CTNNA2: variants seen among roughly 807,000 people sequenced by gnomAD.
CTNNA2 encodes catenin alpha-2.
In CTNNA2, 42 loss-of-function variants were observed where a neutral mutation model predicts 101.0. The observed-to-expected ratio is 0.42, with a 90% CI of 0.32 to 0.54. The LOEUF (loss-of-function observed/expected upper bound fraction) is 0.54. Among genes scored for constraint, CTNNA2 ranks in the 20% least tolerant of loss-of-function variants. The pLI, the probability that CTNNA2 is intolerant of heterozygous loss-of-function variation, is 0.14. For synonymous variants in CTNNA2, 450 were observed against 456.4 expected (o/e 0.99, Z 0.18); for missense variants, 871 against 1,223.1 (o/e 0.71, Z 4.29).
At chr2:79,198,697 A>G (rs1673993844) in intron 2 of CTNNA2, among the ~76,000 whole-genome samples, 1 of 139,828 alleles carries the variant, frequency 7.2e-6, no homozygotes, top group South Asian at 2.2e-4. Context: ...CAATTTATCA[A>G]ATATTACTTG....
At chr2:79,721,756 G>T (rs912914178) in intron 2 of CTNNA2, among the ~76,000 whole-genome samples, 3 of 152,082 alleles carry the variant, frequency 2.0e-5, no homozygotes, top group African/African-American at 7.2e-5. Flanking sequence ...GTTCGAATTT[G>T]GTTCTCAAAT....
chr2:79,629,035 T>G (rs970213289), intron 1 of CTNNA2, among the ~76,000 whole-genome samples: 1 of 152,204 alleles, frequency 6.6e-6, no homozygotes, highest in Non-Finnish European at 1.5e-5. Context: ...GAATAAAATC[T>G]ATGTCTTTCC....
At chr2:80,311,568 T>G (rs1677590975) in intron 7 of CTNNA2, among the ~76,000 whole-genome samples, 1 of 152,248 alleles carries the variant, frequency 6.6e-6, no homozygotes, top group Non-Finnish European at 1.5e-5. Flanking sequence ...GGAGTTTACG[T>G]GGACTTAATT....
intron 3 of CTNNA2, among the ~76,000 whole-genome samples, chr2:79,826,741 G>T (rs1444741372): frequency 6.6e-6 from 1 of 152,188 alleles, no homozygotes; most frequent in African/African-American, 2.4e-5. Context: ...GGCTCTGTGT[G>T]TAGGCTTCTT....
chr2:80,558,573 A>G (rs989751486), intron 12 of CTNNA2, among the ~76,000 whole-genome samples: 14 of 152,142 alleles, frequency 9.2e-5, no homozygotes, highest in Admixed American at 3.3e-4. Context: ...TCCTCAAAAT[A>G]GAAACCCTGT....
In CTNNA2 at chr2:79,651,665, G is replaced by A; in HGVS notation, c.102+7G>A. ...GGAGCCACTTGTTACACAGGTAAGG[G>A]ATGCTTTGAAACCACTTTGTTATAT... On this transcript the variant is annotated splice_region_variant and intron_variant, in intron 2 of 18. Transcript: ENST00000402739. 1 of 1,612,360 alleles carries A rather than the reference G, an allele frequency of 6.2e-7. No individual in the cohort carries two copies. The highest frequency in any genetic ancestry group is 8.5e-7 in the Non-Finnish European group (1 of 1,178,658).
chr2:79,734,481 A>T (rs991193465), intron 2 of CTNNA2, among the ~76,000 whole-genome samples: 2 of 152,156 alleles, frequency 1.3e-5, no homozygotes, highest in African/African-American at 4.8e-5. Flanking sequence ...TGTAAGACTC[A>T]TTCTTATTTT....
chr2:79,726,528 A>T (rs1463549760), intron 2 of CTNNA2, among the ~76,000 whole-genome samples: 1 of 152,142 alleles, frequency 6.6e-6, no homozygotes, highest in African/African-American at 2.4e-5. Context: ...GCTCCTTATA[A>T]TAACAAATGC....
At chr2:79,493,193 AAG>A (rs1037250329) in intron 4 of CTNNA2, among the ~76,000 whole-genome samples, 1 of 152,090 alleles carries the variant, frequency 6.6e-6, no homozygotes, top group Non-Finnish European at 1.5e-5. Flanking sequence ...AGGCAAAAGT[AAG>A]AAAGTAAGTA....
chr2:80,162,950 A>G, intron 7 of CTNNA2: 1 of 1,539,918 alleles, frequency 6.5e-7, no homozygotes, highest in South Asian at 1.1e-5. Flanking sequence ...GATATTGGGG[A>G]TATGGCAAAC....
intron 7 of CTNNA2, among the ~76,000 whole-genome samples, chr2:79,927,119 A>G (rs960986512): frequency 1.3e-5 from 2 of 152,170 alleles, no homozygotes; most frequent in African/African-American, 4.8e-5. Flanking sequence ...GCTTGATTAG[A>G]TTAAAGGACA....
At chr2:79,416,686 A>T (rs1678486547) in intron 4 of CTNNA2, among the ~76,000 whole-genome samples, 1 of 152,110 alleles carries the variant, frequency 6.6e-6, no homozygotes, top group Non-Finnish European at 1.5e-5. Flanking sequence ...CTGGGTTAAC[A>T]GTTAGGGACA....
intron 11 of CTNNA2, among the ~76,000 whole-genome samples, chr2:80,547,486 C>A (rs1692178423): frequency 6.6e-6 from 1 of 152,056 alleles, no homozygotes; most frequent in Non-Finnish European, 1.5e-5. Flanking sequence ...AAGGAAATTT[C>A]CTTTGGTGCT....
chr2:79,631,936 A>G (rs1383760052), intron 1 of CTNNA2, among the ~76,000 whole-genome samples: 1 of 152,146 alleles, frequency 6.6e-6, no homozygotes, highest in African/African-American at 2.4e-5. Context: ...CTGAGGATAT[A>G]TTTGTTTTAT....
intron 7 of CTNNA2, among the ~76,000 whole-genome samples, chr2:79,954,686 C>CACTG (rs1689107088): frequency 6.6e-6 from 1 of 152,188 alleles, no homozygotes; most frequent in African/African-American, 2.4e-5. Flanking sequence ...ACACTGTGCA[C>CACTG]ACTGGTCCCA....
rs1187408742 is a variant in CTNNA2, at chr2:79,480,218, C to T, written c.-134-24836C>T. On this transcript the variant is annotated intron_variant, in intron 4 of 21. Coordinates refer to the CTNNA2 transcript ENST00000466387. ...CAAGAACTCACGTAGTTCCCTCCCA[C>T]CCAGGGAGGGCATTAATCTACTCAT... 2.0e-5 allele frequency among the ~76,000 whole-genome samples: 3 copies of T among 152,064 alleles called. No homozygotes were observed. The East Asian group carries it at 5.8e-4, about 30-fold the overall frequency.
intron 1 of CTNNA2, among the ~76,000 whole-genome samples, chr2:79,526,003 G>T (rs1434364399): frequency 6.6e-6 from 1 of 151,930 alleles, no homozygotes; most frequent in East Asian, 1.9e-4. Context: ...TTTGTTTGCT[G>T]TTTATGAATA....
intron 2 of CTNNA2, among the ~76,000 whole-genome samples, chr2:79,270,433 T>C (rs1675054168): frequency 6.6e-6 from 1 of 152,124 alleles, no homozygotes; most frequent in Non-Finnish European, 1.5e-5. Flanking sequence ...AGGCCTCTTA[T>C]CTGGTTTCTA....
intron 8 of CTNNA2, among the ~76,000 whole-genome samples, chr2:80,399,727 C>T (rs1678379978): frequency 6.6e-6 from 1 of 152,134 alleles, no homozygotes; most frequent in Admixed American, 6.5e-5. Context: ...TTCCCAACAC[C>T]TTCTTCTATT....
Sources: gnomAD v4.1 joint callset for allele counts (sites outside exome capture counted in the v4.1 genomes callset) on GRCh38, gnomAD v4.1.1 for gene constraint, MANE v1.5 for transcripts, NCBI Gene and HGNC (gene_info 2026-07-23, HGNC 2026-07-21) for gene names.